Variants in CACNA2D4 observed in about 807,000 individuals in gnomAD.
CACNA2D4 encodes voltage-dependent calcium channel subunit alpha-2/delta-4.
CACNA2D4 carries 157 observed loss-of-function variants against 163.8 expected under a neutral mutation model. The ratio of observed to expected loss-of-function variants is 0.96; its 90% CI spans 0.84 to 1.09. The LOEUF (loss-of-function observed/expected upper bound fraction) is 1.09. Ranked by LOEUF, CACNA2D4 falls within the 50% of genes least tolerant of loss-of-function variation. CACNA2D4 has a pLI of 0.00. For synonymous variants in CACNA2D4, 598 were observed against 586.9 expected, an observed-to-expected ratio of 1.02 and a Z score of -0.27; for missense variants, 1,410 against 1,479.9, an observed-to-expected ratio of 0.95 and a Z score of 0.78.
At position 1,844,262 on chromosome 12, in the gene CACNA2D4, G is replaced by A; in HGVS notation, c.2470+140C>T. 1 of 983,790 alleles carries A rather than the reference G, an allele frequency of 1.0e-6. No homozygotes were observed. The highest frequency in any genetic ancestry group is 1.5e-6 in the Non-Finnish European group (1 of 679,626). The allele number at this position is 983,790 out of a possible 1,614,324, so 60.9% of individuals were successfully genotyped here. ...TTTAAGTCACTAATGCATGCAGGAG[G>A]GAAGGCAGGAGGGGAACCCTGGTGG... is the stretch of plus-strand genomic sequence containing the variant. On this transcript the variant is annotated intron_variant, in intron 25 of 37. Transcript: ENST00000382722. The surrounding 1 kb of genome is among the most constrained non-coding windows in gnomAD (Gnocchi z 4.2).
At chr12:1,817,270 T>C (rs2041138) in intron 26 of CACNA2D4, among the ~76,000 whole-genome samples, 9,872 of 152,232 alleles carry the variant, frequency 0.065, 743 homozygotes, top group African/African-American at 0.18. Flanking sequence ...CCAGGGCTGC[T>C]GAGTGAACTC....
At chr12:1,887,160 C>T in intron 6 of CACNA2D4, 91 bp from the exon 7 acceptor site, 3 of 843,812 alleles carry the variant, frequency 3.6e-6, no homozygotes, top group Non-Finnish European at 5.9e-6. Flanking sequence ...GGCCATGATC[C>T]CCAGGGCAGA....
intron 3 of CACNA2D4, among the ~76,000 whole-genome samples, chr12:1,912,238 G>A (rs1476948095): frequency 6.6e-6 from 1 of 152,160 alleles, no homozygotes; most frequent in Non-Finnish European, 1.5e-5. Context: ...CTGGTCTTAC[G>A]AGTCCTTTCA....
At position 1,800,900 on chromosome 12, in the gene CACNA2D4, G is replaced by T. The variant is rs1327616946; in HGVS notation, c.2868+143C>A. 3 of 721,648 alleles carry T rather than the reference G, an allele frequency of 4.2e-6. 1 individual carries two copies. The highest frequency in any genetic ancestry group is 3.4e-5 in the South Asian group (2 of 58,514). 44.7% of individuals were successfully genotyped at this position (721,648 alleles called of 1,614,324 possible). ...GAGTGGGACTGAGAGCAGTGGCTCT[G>T]AGCAGAAGATGGAGATGGTCAAGGT... On this transcript the variant is annotated intron_variant, in intron 31 of 37. Coordinates refer to ENST00000382722, the MANE Select transcript of CACNA2D4 (RefSeq NM_172364.5).
At chr12:1,861,043 T>G (rs750464976) in intron 18 of CACNA2D4, among the ~76,000 whole-genome samples, 2 of 152,240 alleles carry the variant, frequency 1.3e-5, no homozygotes, top group Non-Finnish European at 2.9e-5. Flanking sequence ...CTGTGGATTG[T>G]CCTGTCCACC....
chr12:1,862,731 T>C (rs780976940), intron 18 of CACNA2D4, among the ~76,000 whole-genome samples: 15 of 152,214 alleles, frequency 9.9e-5, no homozygotes, highest in Non-Finnish European at 2.1e-4. Context: ...TAGTTTTGAT[T>C]TGCATTTCTC....
intron 4 of CACNA2D4, 94 bp from the exon 5 acceptor site, chr12:1,908,131 G>T: frequency 7.7e-7 from 1 of 1,294,020 alleles, no homozygotes; most frequent in Non-Finnish European, 1.1e-6. Context: ...AGGACGAGAG[G>T]GCCGGGGCCG....
chr12:1,865,490 G>C (rs1865630151), intron 18 of CACNA2D4, among the ~76,000 whole-genome samples: 1 of 152,264 alleles, frequency 6.6e-6, no homozygotes, highest in Admixed American at 6.5e-5. Context: ...TACTGCAAGA[G>C]CCACTGTCAA....
rs188644475 is a variant in CACNA2D4, at chr12:1,914,870, G to A, written c.293C>T (p.Ser98Phe). 6 of 1,613,520 alleles carry A rather than the reference G, an allele frequency of 3.7e-6. No homozygotes were observed. In the African/African-American group the frequency reaches 5.3e-5, roughly 14 times the overall value. ...GTGACTGACCTTCTGCAGCAAGAGA[G>A]AGCCTGAGTATTTGGTCACAGTGTT... ...LYNTVTKYSG[S>F]LLLQKKYKDV... The change falls in exon 2 of 38, where the codon TCT becomes TTT. Residue 98 changes from serine to phenylalanine, a missense_variant. Transcript: ENST00000382722.
At chr12:1,855,475 C>G (rs1320921828) in intron 22 of CACNA2D4, among the ~76,000 whole-genome samples, 1 of 152,130 alleles carries the variant, frequency 6.6e-6, no homozygotes, top group African/African-American at 2.4e-5. Context: ...GACCATGGAG[C>G]AGAGACTGAA....
intron 36 of CACNA2D4, 77 bp downstream of exon 36, chr12:1,795,591 G>T: frequency 9.1e-7 from 1 of 1,095,336 alleles, no homozygotes. Context: ...TGGCCCCGCT[G>T]CTCAAAATCT....
At chr12:1,898,181 C>G (rs35131804) in intron 6 of CACNA2D4, among the ~76,000 whole-genome samples, 22,910 of 152,004 alleles carry the variant, frequency 0.15, 1,988 homozygotes, top group African/African-American at 0.24. Flanking sequence ...AATTAAAACA[C>G]TACCTCTATA....
intron 27 of CACNA2D4, among the ~76,000 whole-genome samples, chr12:1,810,824 C>A (rs900261115): frequency 2.0e-5 from 3 of 151,952 alleles, no homozygotes; most frequent in African/African-American, 4.8e-5. Context: ...GGTGTCTGTA[C>A]GTGGAGGGCA....
chr12:1,796,074 A>G, intron 35 of CACNA2D4: 1 of 349,350 alleles, frequency 2.9e-6, no homozygotes. Flanking sequence ...ATATGCAGGG[A>G]CGACAGGCGT....
intron 26 of CACNA2D4, among the ~76,000 whole-genome samples, chr12:1,818,479 C>T (rs1045865486): frequency 9.2e-5 from 14 of 151,874 alleles, no homozygotes; most frequent in African/African-American, 3.2e-4. Flanking sequence ...ACTCCCAACC[C>T]TGTGCTCACT....
At chr12:1,830,086 C>A (rs12301312) in intron 26 of CACNA2D4, among the ~76,000 whole-genome samples, 71,008 of 152,138 alleles carry the variant, frequency 0.47, 17,574 homozygotes, top group African/African-American at 0.6. Context: ...GAATTCTATT[C>A]ATCGGGCCAT....
Position 1,868,461 on chromosome 12 carries a change from C to T in CACNA2D4, c.1878+6143G>A, listed in dbSNP as rs552532855. On this transcript the variant is annotated intron_variant, in intron 18 of 37. Transcript: ENST00000382722. ...TGGTTACTAGCAGCAGGGGAAGGCACGGTGGGAGGTGGGGAATGAGAAAAC... is the reference window on the plus strand; with the variant it reads ...TGGTTACTAGCAGCAGGGGAAGGCATGGTGGGAGGTGGGGAATGAGAAAAC... Among the ~76,000 whole-genome samples, 10 of 150,214 alleles carry T rather than the reference C, an allele frequency of 6.7e-5. No individual in the cohort carries two copies. In the South Asian group the frequency reaches 8.5e-4, roughly 13 times the overall value.
chr12:1,884,038 TG>T, intron 12 of CACNA2D4: 1 of 531,334 alleles, frequency 1.9e-6, no homozygotes, highest in Non-Finnish European at 3.4e-6. Flanking sequence ...AAAGAAAGAA[TG>T]GGGGCAGGAT....
At chr12:1,868,452 G>A (rs1865701069) in intron 18 of CACNA2D4, among the ~76,000 whole-genome samples, 1 of 151,608 alleles carries the variant, frequency 6.6e-6, no homozygotes, top group South Asian at 2.1e-4. Context: ...CTAGCAGCAG[G>A]GGAAGGCACG....
Sources: gnomAD v4.1 joint callset for allele counts (sites outside exome capture counted in the v4.1 genomes callset) on GRCh38, gnomAD v4.1.1 for gene constraint, Gnocchi (gnomAD v3.1) non-coding constraint, MANE v1.5 for transcripts, NCBI Gene and HGNC (gene_info 2026-07-23, HGNC 2026-07-21) for gene names.